MSI2: variants seen among roughly 807,000 people sequenced by gnomAD.
MSI2 encodes RNA-binding protein Musashi homolog 2.
A neutral mutation model predicts 45.6 loss-of-function variants in MSI2; 17 were observed. The observed-to-expected ratio is 0.37, with a 90% CI of 0.26 to 0.56. The LOEUF (loss-of-function observed/expected upper bound fraction) is 0.56, where lower values mean the gene tolerates loss of function less well. Ranked by LOEUF, MSI2 falls within the 20% of genes least tolerant of loss-of-function variation. MSI2 has a pLI of 0.77. For missense variants in MSI2, 293 were observed against 444.2 expected (o/e 0.66, Z 3.06); for synonymous variants, 156 against 158.2 (o/e 0.99, Z 0.11).
chr17:57,534,758 GT>G (rs1476999105), intron 7 of MSI2, among the ~76,000 whole-genome samples: 1 of 152,182 alleles, frequency 6.6e-6, no homozygotes. Context: ...CCTTGGCCCT[GT>G]CCCTCACTTC....
chr17:57,456,549 C>T (rs778163612), intron 6 of MSI2, among the ~76,000 whole-genome samples: 4 of 151,908 alleles, frequency 2.6e-5, no homozygotes, highest in Non-Finnish European at 5.9e-5. Flanking sequence ...GAGCTGAGAT[C>T]GCACCACTGC....
chr17:57,693,667 T>C, the MSI2 span, among the ~76,000 whole-genome samples: 2 of 152,220 alleles, frequency 1.3e-5, no homozygotes, highest in African/African-American at 4.8e-5. Flanking sequence ...TACTTTAAGT[T>C]TCCTATGTGA....
At chr17:57,438,944 CA>C (rs1473881614) in intron 6 of MSI2, among the ~76,000 whole-genome samples, 5 of 152,092 alleles carry the variant, frequency 3.3e-5, no homozygotes, top group African/African-American at 1.2e-4. Context: ...GGATTACAGG[CA>C]CCTGCCACCA....
intron 6 of MSI2, among the ~76,000 whole-genome samples, chr17:57,476,586 T>C (rs1298246379): frequency 1.3e-5 from 2 of 152,220 alleles, no homozygotes; most frequent in Admixed American, 1.3e-4. Context: ...TCTGGTTGCC[T>C]TTTCTTCTGT....
chr17:57,347,173 C>T (rs1915678978), intron 5 of MSI2, among the ~76,000 whole-genome samples: 1 of 152,164 alleles, frequency 6.6e-6, no homozygotes, highest in African/African-American at 2.4e-5. Flanking sequence ...TACCCTTCCT[C>T]ACCATTGTTC....
chr17:57,627,235 C>G lies in MSI2; in HGVS notation c.659C>G (p.Pro220Arg). The G allele has an allele frequency of 6.2e-7, 1 of 1,614,184 alleles. No homozygotes were observed. The highest frequency in any genetic ancestry group is 8.5e-7 in the Non-Finnish European group (1 of 1,180,036). The change falls in exon 10 of 14, where the codon CCC becomes CGC. Residue 220 changes from proline to arginine, a missense_variant. Coordinates refer to ENST00000284073, the MANE Select transcript of MSI2 (RefSeq NM_138962.4). This position sits in a 1 kb window ranked among gnomAD's most constrained non-coding sequence, Gnocchi z 4.6. ...FMLGMGMLGYPNFVATYGRGY... is the reference protein window; with the variant it reads ...FMLGMGMLGYRNFVATYGRGY... ...CTTTCTCTTTGTGTTCAAGGATATCCCAACTTCGTGGCGACCTATGGCCGT... is the reference window on the plus strand; with the variant it reads ...CTTTCTCTTTGTGTTCAAGGATATCGCAACTTCGTGGCGACCTATGGCCGT...
chr17:57,390,006 G>A lies in MSI2; in HGVS notation c.313-11373G>A, dbSNP rs868270078. The stretch of plus-strand genomic sequence containing the variant: ...TAATCCCAGCCCTTTGGGAAGCTGA[G>A]GCAGGAGGATCACTTGAAGCCAGGA... On this transcript the variant is annotated intron_variant, in intron 5 of 13. Coordinates refer to ENST00000284073, the MANE Select transcript of MSI2 (RefSeq NM_138962.4). Among the ~76,000 whole-genome samples the A allele has an allele frequency of 2.0e-5, 3 of 151,840 alleles. No homozygotes were observed. The South Asian group carries it at 6.2e-4, about 32-fold the overall frequency.
rs770891580 is a variant in MSI2 at position 57,679,884 on chromosome 17, C to T, written c.*367C>T. ...TTGACTTAGTCCAGTAGTCACATAG[C>T]TTTAATATCTAGTTCAAAGCTAACC... On this transcript the variant is annotated 3_prime_UTR_variant, in exon 14 of 14. Coordinates refer to ENST00000284073, the MANE Select transcript of MSI2 (RefSeq NM_138962.4). 17 of 230,796 alleles carry T rather than the reference C, an allele frequency of 7.4e-5. No homozygotes were observed. The highest frequency in any genetic ancestry group is 1.2e-4 in the Non-Finnish European group (14 of 116,616). 14.3% of individuals were successfully genotyped at this position (230,796 alleles called of 1,614,324 possible). A position where few individuals can be genotyped will look rare whatever the true frequency, so the allele number is the denominator to read the frequency against.
intron 5 of MSI2, among the ~76,000 whole-genome samples, chr17:57,293,609 T>TTG (rs1910661698): frequency 6.8e-6 from 1 of 147,418 alleles, no homozygotes; most frequent in African/African-American, 2.5e-5. Context: ...TTTTTTTTGT[T>TTG]TTTTTTTGTT....
chr17:57,529,122 G>GT lies in MSI2; in HGVS notation c.406-548dup, dbSNP rs2086766773. Among the ~76,000 whole-genome samples, 2 of 152,050 alleles carry GT rather than the reference G, an allele frequency of 1.3e-5. No individual in the cohort carries two copies. Among genetic ancestry groups the GT allele is most frequent in the Admixed American group, 1.3e-4 (2 of 15,260 alleles). On this transcript the variant is annotated intron_variant, in intron 6 of 13. Coordinates refer to ENST00000284073, the MANE Select transcript of MSI2 (RefSeq NM_138962.4). This position sits in a 1 kb window ranked among gnomAD's most constrained non-coding sequence, Gnocchi z 5.3. ...TTTAAACTATATTGAAATAGTCATA[G>GT]TTTTTTCTTTCTTTAGAAAAAAAAT...
chr17:57,442,756 CCTTT>C (rs2084823862), intron 6 of MSI2, among the ~76,000 whole-genome samples: 1 of 152,190 alleles, frequency 6.6e-6, no homozygotes, highest in African/African-American at 2.4e-5. Flanking sequence ...TCTTACTCTT[CCTTT>C]CTTCCTGACA....
At chr17:57,659,943 A>G (rs180926652) in intron 11 of MSI2, among the ~76,000 whole-genome samples, 1 of 152,288 alleles carries the variant, frequency 6.6e-6, no homozygotes, top group Non-Finnish European at 1.5e-5. Context: ...AATTATTGTT[A>G]TATGTGGTAG....
rs896372667 is a variant in MSI2, at chr17:57,596,368, A to G, written c.455-500A>G. Among the ~76,000 whole-genome samples the G allele has an allele frequency of 6.6e-6, 1 of 152,262 alleles. No homozygotes were observed. Among genetic ancestry groups the G allele is most frequent in the Admixed American group, 6.5e-5 (1 of 15,292 alleles). On this transcript the variant is annotated intron_variant, in intron 7 of 13. Coordinates refer to ENST00000284073, the MANE Select transcript of MSI2 (RefSeq NM_138962.4). This position sits in a 1 kb window ranked among gnomAD's most constrained non-coding sequence, Gnocchi z 4.6. ...GCGGAACAGAGGCCTGAAACTTTTA[A>G]TAGTTTCTTCCAGGCCTCAGGATGT... is the stretch of plus-strand genomic sequence containing the variant.
intron 5 of MSI2, among the ~76,000 whole-genome samples, chr17:57,286,386 A>G (rs1909875558): frequency 6.6e-6 from 1 of 152,176 alleles, no homozygotes; most frequent in African/African-American, 2.4e-5. Context: ...ACGGTCGCTA[A>G]TAAGAACTGC....
chr17:57,400,558 C>T (rs1050851588), intron 5 of MSI2, among the ~76,000 whole-genome samples: 2 of 152,094 alleles, frequency 1.3e-5, no homozygotes, highest in Admixed American at 1.3e-4. Flanking sequence ...GAAGTAACTT[C>T]ACACAAGGTG....
intron 6 of MSI2, among the ~76,000 whole-genome samples, chr17:57,524,597 C>T (rs1029345475): frequency 7.2e-5 from 11 of 152,212 alleles, no homozygotes; most frequent in African/African-American, 2.7e-4. Context: ...AAGTTTATGT[C>T]ATCCTAGTAG....
chr17:57,312,958 T>A (rs1912523016), intron 5 of MSI2, among the ~76,000 whole-genome samples: 1 of 152,156 alleles, frequency 6.6e-6, no homozygotes, highest in African/African-American at 2.4e-5. Flanking sequence ...GCGATTCTCC[T>A]GCCTCAGCCT....
chr17:57,348,766 A>C (rs551569363), intron 5 of MSI2, among the ~76,000 whole-genome samples: 4 of 152,272 alleles, frequency 2.6e-5, no homozygotes, highest in African/African-American at 9.6e-5. Context: ...TCCTTATAGC[A>C]ATGCAAAAAT....
rs557547213 is a variant in MSI2, at chr17:57,259,571, A to C, written c.270+1217A>C. Among the ~76,000 whole-genome samples, 13 of 152,362 alleles carry C rather than the reference A, an allele frequency of 8.5e-5. No individual in the cohort carries two copies. In the South Asian group the frequency reaches 2.7e-3, roughly 32 times the overall value. ...GAATGCGTGCCTTCTCCTAAGAAAG[A>C]AACCCACCTACACTCTTAGTTGCTT... On this transcript the variant is annotated intron_variant, in intron 4 of 13. Coordinates refer to ENST00000284073, the MANE Select transcript of MSI2 (RefSeq NM_138962.4).
Sources: gnomAD v4.1 joint callset for allele counts (sites outside exome capture counted in the v4.1 genomes callset) on GRCh38, gnomAD v4.1.1 for gene constraint, Gnocchi (gnomAD v3.1) non-coding constraint, MANE v1.5 for transcripts, NCBI Gene and HGNC (gene_info 2026-07-23, HGNC 2026-07-21) for gene names.